Variants in SNRPN observed in about 807,000 individuals in gnomAD.
The protein encoded by SNRPN is small nuclear ribonucleoprotein-associated protein N.
A neutral mutation model predicts 25.2 loss-of-function variants in SNRPN; 7 were observed. The ratio of observed to expected loss-of-function variants is 0.28; its 90% confidence interval spans 0.16 to 0.52. SNRPN has a LOEUF of 0.52. SNRPN is among the 20% of genes least tolerant of loss of function. SNRPN has a pLI of 0.96. For missense variants in SNRPN, 196 were observed against 322.5 expected (o/e 0.61, Z 3.00); for synonymous variants, 124 against 110.6 (o/e 1.12, Z -0.76).
chr15:24,918,572 GTATATATATAACATAATATATATGTA>G (rs2059732880), intron 2 of SNRPN, among the ~76,000 whole-genome samples: 5 of 81,644 alleles, frequency 6.1e-5, no homozygotes, highest in Non-Finnish European at 1.2e-4. Flanking sequence ...TAATATATAT[GTATATATATAACATAATATATATGTA>G]TATATATAAC....
At chr15:24,928,520 G>A (rs2060570829) in intron 3 of SNRPN, among the ~76,000 whole-genome samples, 1 of 152,024 alleles carries the variant, frequency 6.6e-6, no homozygotes, top group South Asian at 2.1e-4. Flanking sequence ...TAGAAGTAGA[G>A]AGTAGAATTG....
At chr15:24,897,797 G>T (rs1021967146) in intron 2 of SNRPN, among the ~76,000 whole-genome samples, 1 of 152,244 alleles carries the variant, frequency 6.6e-6, no homozygotes, top group Non-Finnish European at 1.5e-5. Flanking sequence ...ATGTGCCTTT[G>T]CTTCTCCTTT....
intron 7 of SNRPN, among the ~76,000 whole-genome samples, chr15:24,977,257 A>G (rs2077164916): frequency 6.6e-6 from 1 of 152,172 alleles, no homozygotes; most frequent in African/African-American, 2.4e-5. Flanking sequence ...ACTTGCCACT[A>G]GTGGTGAGTG....
rs1212888534 is a variant in SNRPN at position 24,918,876 on chromosome 15, CAT to C, written c.-504-1125_-504-1124del. ...ATATATATAACAATATATATATGTG[CAT>C]ATATATATAACATAATATATATATG... On this transcript the variant is annotated intron_variant, in intron 2 of 11. Transcript: ENST00000400097. 1.2e-4 allele frequency among the ~76,000 whole-genome samples: 13 copies of C among 110,716 alleles called. 3 individuals are homozygous for C. Among genetic ancestry groups the C allele is most frequent in the South Asian group, 8.2e-4 (3 of 3,676 alleles). The allele number at this position is 110,716 out of a possible 152,430, so 72.6% of individuals were successfully genotyped here.
At chr15:24,962,905 G>T (rs2075055883) in intron 2 of SNRPN, among the ~76,000 whole-genome samples, 1 of 151,404 alleles carries the variant, frequency 6.6e-6, no homozygotes, top group Non-Finnish European at 1.5e-5. Context: ...AGCTACAATT[G>T]TTTTTTTTAA....
intron 1 of SNRPN, among the ~76,000 whole-genome samples, chr15:24,857,663 C>T (rs1043809396): frequency 9.2e-5 from 14 of 151,942 alleles, no homozygotes; most frequent in African/African-American, 3.4e-4. Context: ...TTAGGCTCAA[C>T]CTTTGACACT....
intron 2 of SNRPN, among the ~76,000 whole-genome samples, chr15:24,918,396 A>ATATATATAACATAATATATATGTG (rs1566908629): frequency 1.0e-4 from 8 of 76,366 alleles, no homozygotes; most frequent in Admixed American, 4.5e-4. Flanking sequence ...ATATATGTGT[A>ATATATATAACATAATATATATGTG]TATATATAAC....
intron 2 of SNRPN, among the ~76,000 whole-genome samples, chr15:24,844,651 A>G (rs2052027753): frequency 6.6e-6 from 1 of 151,948 alleles, no homozygotes. Flanking sequence ...CAGCCTCTTG[A>G]GTAGCTGGGA....
intron 3 of SNRPN, among the ~76,000 whole-genome samples, chr15:24,971,398 A>G (rs900742953): frequency 2.6e-5 from 4 of 152,180 alleles, no homozygotes. Context: ...ACATTGTATC[A>G]CATTTAGGGA....
At chr15:24,848,704 C>T (rs886779746) in intron 2 of SNRPN, 27 of 152,122 alleles carry the variant, frequency 1.8e-4, no homozygotes, top group African/African-American at 6.5e-4. Flanking sequence ...TCGGATACTA[C>T]TTTAATCATT....
intron 2 of SNRPN, among the ~76,000 whole-genome samples, chr15:24,919,475 A>G (rs2059914194): frequency 6.6e-6 from 1 of 151,942 alleles, no homozygotes; most frequent in South Asian, 2.1e-4. Flanking sequence ...AAAGCAAGGT[A>G]AGGGTCACCA....
intron 2 of SNRPN, among the ~76,000 whole-genome samples, chr15:24,906,735 G>T (rs1027751782): frequency 2.3e-4 from 35 of 152,084 alleles, no homozygotes; most frequent in Non-Finnish European, 4.6e-4. Flanking sequence ...GACTCAAGGG[G>T]GTGTAAGTGC....
At chr15:24,958,187 C>T (rs1186109094) in intron 1 of SNRPN, among the ~76,000 whole-genome samples, 3 of 152,122 alleles carry the variant, frequency 2.0e-5, no homozygotes, top group Non-Finnish European at 2.9e-5. Context: ...GTTCCTTTTC[C>T]TAATAAACAT....
At chr15:24,965,073 G>A (rs220034) in intron 2 of SNRPN, among the ~76,000 whole-genome samples, 20,821 of 152,120 alleles carry the variant, frequency 0.14, 2,566 homozygotes, top group African/African-American at 0.33. Context: ...AGCAGGATTG[G>A]TTAACACTGC....
intron 2 of SNRPN, among the ~76,000 whole-genome samples, chr15:24,907,627 TA>T (rs2058909319): frequency 6.6e-6 from 1 of 151,730 alleles, no homozygotes. Context: ...TGTTGAAATG[TA>T]ATCTTCAGTG....
chr15:24,895,310 A>G (rs1267975908), intron 2 of SNRPN, among the ~76,000 whole-genome samples: 1 of 152,056 alleles, frequency 6.6e-6, no homozygotes, highest in East Asian at 1.9e-4. Context: ...AAATTCCTTC[A>G]GCTTAAAATA....
At chr15:24,902,545 G>A (rs112930184) in intron 2 of SNRPN, among the ~76,000 whole-genome samples, 9,854 of 152,138 alleles carry the variant, frequency 0.065, 416 homozygotes, top group Middle Eastern at 0.14. Context: ...GAATGAAGCC[G>A]TGCACCCTGG....
intron 2 of SNRPN, chr15:24,886,607 T>A (rs917782739): frequency 7.9e-5 from 12 of 152,278 alleles, no homozygotes; most frequent in African/African-American, 2.6e-4. Flanking sequence ...TTGTCCCTGT[T>A]CCACTTATGT....
intron 2 of SNRPN, among the ~76,000 whole-genome samples, chr15:24,834,751 CTATATA>C (rs796257838): frequency 0.044 from 2,686 of 60,924 alleles, 186 homozygotes; most frequent in African/African-American, 0.14. Flanking sequence ...CTCTCTCTCT[CTATATA>C]TATATATATA....
Sources: gnomAD v4.1 joint callset for allele counts (sites outside exome capture counted in the v4.1 genomes callset) on GRCh38, gnomAD v4.1.1 for gene constraint, MANE v1.5 for transcripts, NCBI Gene and HGNC (gene_info 2026-07-23, HGNC 2026-07-21) for gene names.